SAMMSON: variants seen among roughly 807,000 people sequenced by gnomAD.
SAMMSON encodes the protein survival associated mitochondrial melanoma specific oncogenic non-coding RNA, also known as long intergenic non-protein coding RNA 1212.
At chr3:70,102,646 T>C (rs1397968834) in intron 4 of SAMMSON, among the ~76,000 whole-genome samples, 1 of 152,170 alleles carries the variant, frequency 6.6e-6, no homozygotes, top group African/African-American at 2.4e-5. Flanking sequence ...AATTCATCAC[T>C]GATCTTGTAC....
At chr3:70,315,664 G>A (rs555166069) in intron 7 of SAMMSON, among the ~76,000 whole-genome samples, 1 of 152,196 alleles carries the variant, frequency 6.6e-6, no homozygotes, top group East Asian at 1.9e-4. Flanking sequence ...GGGTAATGGA[G>A]TCTGGTTTGG....
chr3:70,281,175 T>C (rs1702079152), intron 6 of SAMMSON, among the ~76,000 whole-genome samples: 1 of 152,164 alleles, frequency 6.6e-6, no homozygotes, highest in African/African-American at 2.4e-5. Context: ...CCTACAATTT[T>C]AGTGTAGTTG....
rs549733962 is a variant in SAMMSON at position 70,062,564 on chromosome 3, A to G, written n.418-8912A>G. Among the ~76,000 whole-genome samples the G allele has an allele frequency of 3.3e-5, 5 of 152,210 alleles. No individual in the cohort carries two copies. The East Asian group carries it at 9.7e-4, about 30-fold the overall frequency. On this transcript the variant is annotated intron_variant and non_coding_transcript_variant, in intron 3 of 9. Coordinates refer to ENST00000642114, the Ensembl canonical transcript of SAMMSON. ...ATATTTGTCAGACACAAACATTTTG[A>G]GATGCTCTTCATGATCTTTCTGTAG...
At chr3:70,247,084 C>G (rs1370381796) in intron 4 of SAMMSON, among the ~76,000 whole-genome samples, 2 of 152,028 alleles carry the variant, frequency 1.3e-5, no homozygotes, top group Non-Finnish European at 2.9e-5. Flanking sequence ...GAATGCCAAT[C>G]ATAGTACCAA....
rs1202148491 is a variant in SAMMSON, at chr3:70,135,962, A to G, written n.507+64397A>G. Among the ~76,000 whole-genome samples, 3 of 141,870 alleles carry G rather than the reference A, an allele frequency of 2.1e-5. No homozygotes were observed. The South Asian group carries it at 6.6e-4, about 31-fold the overall frequency. 93.1% of individuals were successfully genotyped at this position (141,870 alleles called of 152,430 possible). A position where few individuals can be genotyped will look rare whatever the true frequency, so the allele number is the denominator to read the frequency against. ...TCTAAGTGTTTTTTTTTTTGCACTGATTTGTCGGTTGTTATAGTTAAGTTG... is the reference window on the plus strand; with the variant it reads ...TCTAAGTGTTTTTTTTTTTGCACTGGTTTGTCGGTTGTTATAGTTAAGTTG... On this transcript the variant is annotated intron_variant and non_coding_transcript_variant, in intron 4 of 9. Transcript: ENST00000642114.
intron 4 of SAMMSON, among the ~76,000 whole-genome samples, chr3:70,132,018 G>T (rs992033748): frequency 6.6e-6 from 1 of 152,108 alleles, no homozygotes; most frequent in Non-Finnish European, 1.5e-5. Flanking sequence ...TGGCCAAGGG[G>T]ACCCTAGAGA....
intron 7 of SAMMSON, among the ~76,000 whole-genome samples, chr3:70,319,327 T>C (rs1265007995): frequency 1.3e-5 from 2 of 152,068 alleles, no homozygotes; most frequent in Non-Finnish European, 2.9e-5. Flanking sequence ...GCTCATCTTT[T>C]GTGTTTCCCT....
intron 4 of SAMMSON, among the ~76,000 whole-genome samples, chr3:70,232,633 C>T (rs1327595035): frequency 1.3e-5 from 2 of 151,906 alleles, no homozygotes; most frequent in Non-Finnish European, 2.9e-5. Flanking sequence ...CTCCTGAGCT[C>T]GTGATCCGCC....
chr3:70,418,425 G>A (rs1701282631), intron 2 of SAMMSON, among the ~76,000 whole-genome samples: 1 of 152,056 alleles, frequency 6.6e-6, no homozygotes, highest in Non-Finnish European at 1.5e-5. Context: ...TGGATGTCAG[G>A]GCATCTGTCT....
chr3:70,366,915 C>G (rs1258657967), intron 9 of SAMMSON, among the ~76,000 whole-genome samples: 3 of 151,578 alleles, frequency 2.0e-5, no homozygotes, highest in Middle Eastern at 3.4e-3. Context: ...TTTGCATTTT[C>G]TTAGTGACAA....
chr3:70,116,293 T>TTTTTTTTC (rs1553640569), intron 4 of SAMMSON, among the ~76,000 whole-genome samples: 2 of 32,422 alleles, frequency 6.2e-5, no homozygotes, highest in African/African-American at 3.9e-4. Flanking sequence ...CGATGCTTTC[T>TTTTTTTTC]TTTTTTTTTT....
intron 1 of SAMMSON, among the ~76,000 whole-genome samples, chr3:70,004,971 T>G (rs61399390): frequency 0.098 from 14,970 of 152,248 alleles, 1,069 homozygotes; most frequent in African/African-American, 0.18. Flanking sequence ...GGGAACTGCT[T>G]TATCCAGCAT....
At position 70,369,838 on chromosome 3, in the gene SAMMSON, A is replaced by G. The variant is rs972689053; in HGVS notation, n.913+11514A>G. Among the ~76,000 whole-genome samples, 10 of 151,776 alleles carry G rather than the reference A, an allele frequency of 6.6e-5. No homozygotes were observed. In the East Asian group the frequency reaches 1.9e-3, roughly 29 times the overall value. Reference sequence around the variant, plus strand: ...GGGGGCATTTCAAGTCCTCTCCTCTAGCTATTTTAAAATATATAGTACATT... The same window carrying G: ...GGGGGCATTTCAAGTCCTCTCCTCTGGCTATTTTAAAATATATAGTACATT... On this transcript the variant is annotated intron_variant and non_coding_transcript_variant, in intron 9 of 9. Transcript: ENST00000642114.
chr3:70,189,475 A>G (rs1701115534), intron 4 of SAMMSON, among the ~76,000 whole-genome samples: 1 of 152,208 alleles, frequency 6.6e-6, no homozygotes, highest in Non-Finnish European at 1.5e-5. Flanking sequence ...ATTTTTCTCC[A>G]TGAAGCAGAA....
At chr3:70,134,259 C>CA (rs71126480) in intron 4 of SAMMSON, among the ~76,000 whole-genome samples, 38,398 of 131,804 alleles carry the variant, frequency 0.29, 5,265 homozygotes, top group East Asian at 0.51. Context: ...GATTCCATCT[C>CA]AAAAAAAAAA....
At chr3:70,045,122 AATTATAATATATTATAATTTATATATATT>A in intron 3 of SAMMSON, among the ~76,000 whole-genome samples, 1 of 87,592 alleles carries the variant, frequency 1.1e-5, no homozygotes, top group Non-Finnish European at 3.0e-5. Context: ...TATATATATT[AATTATAATATATTATAATTTATATATATT>A]AATTATAATA....
chr3:70,410,100 A>G (rs961997593), intron 2 of SAMMSON, among the ~76,000 whole-genome samples: 2 of 152,168 alleles, frequency 1.3e-5, no homozygotes, highest in South Asian at 4.1e-4. Context: ...AGGCTTCTGA[A>G]CTGAAAAATC....
intron 7 of SAMMSON, among the ~76,000 whole-genome samples, chr3:70,292,713 A>G (rs1702250428): frequency 2.0e-5 from 3 of 152,066 alleles, no homozygotes; most frequent in Non-Finnish European, 4.4e-5. Context: ...ACATACTTAA[A>G]ACTAGATCTT....
chr3:70,215,280 T>C (rs891733769), intron 4 of SAMMSON, among the ~76,000 whole-genome samples: 3 of 152,084 alleles, frequency 2.0e-5, no homozygotes, highest in Non-Finnish European at 4.4e-5. Context: ...GCAGAGCTAG[T>C]ACTTGAACTT....
Sources: allele counts gnomAD v4.1 joint callset (sites outside exome capture counted in the v4.1 genomes callset), GRCh38; gene constraint gnomAD v4.1.1; transcripts MANE v1.5; gene names NCBI Gene and HGNC (gene_info 2026-07-23, HGNC 2026-07-21).